The following HSD17B12 variants were observed in gnomAD, a reference collection of about 807,000 sequenced individuals.
The protein encoded by HSD17B12 is very-long-chain 3-oxoacyl-CoA reductase.
Under a neutral mutation model 39.3 loss-of-function variants are expected in HSD17B12, and 32 were observed. The observed-to-expected ratio is 0.81, with a 90% confidence interval of 0.61 to 1.09. The LOEUF (loss-of-function observed/expected upper bound fraction) is 1.09, where lower values mean the gene tolerates loss of function less well. Ranked by LOEUF, HSD17B12 falls within the 50% of genes least tolerant of loss-of-function variation. HSD17B12 has a pLI of 0.00. For missense variants in HSD17B12, 342 were observed against 382.9 expected, an observed-to-expected ratio of 0.89 and a Z score of 0.89; for synonymous variants, 150 against 146.7, an observed-to-expected ratio of 1.02 and a Z score of -0.16.
At chr11:43,653,396 T>C in the HSD17B12 span, among the ~76,000 whole-genome samples, 1 of 152,100 alleles carries the variant, frequency 6.6e-6, no homozygotes, top group Non-Finnish European at 1.5e-5. Flanking sequence ...CGCAAAAATT[T>C]CTTTTTTTCT....
the HSD17B12 span, among the ~76,000 whole-genome samples, chr11:43,667,780 C>A: frequency 6.6e-6 from 1 of 152,156 alleles, no homozygotes; most frequent in Non-Finnish European, 1.5e-5. Flanking sequence ...CCACTTAAGG[C>A]ATCATGTTGG....
intron 3 of HSD17B12, among the ~76,000 whole-genome samples, chr11:43,795,711 G>A (rs1677769421): frequency 6.6e-6 from 1 of 152,218 alleles, no homozygotes; most frequent in Non-Finnish European, 1.5e-5. Context: ...GGAAAAGAGA[G>A]GAGGGTGGGA....
At position 43,831,392 on chromosome 11, in the gene HSD17B12, G is replaced by C. The variant is rs1951309335; in HGVS notation, c.536+382G>C. On this transcript the variant is annotated intron_variant, in intron 7 of 10. Coordinates refer to ENST00000278353, the MANE Select transcript of HSD17B12 (RefSeq NM_016142.3). This position sits in a 1 kb window ranked among gnomAD's most constrained non-coding sequence, Gnocchi z 4.1. ...GCCAAAATCAGTGGAGTTGGATGAA[G>C]CAAGACCTCTTCCTCTGGTTTTTCA... 1 of 155,358 alleles carries C rather than the reference G, an allele frequency of 6.4e-6. No homozygotes were observed. The highest frequency in any genetic ancestry group is 6.5e-5 in the Admixed American group (1 of 15,380). 9.6% of individuals were successfully genotyped at this position (155,358 alleles called of 1,614,324 possible). A position where few individuals can be genotyped will look rare whatever the true frequency, so the allele number is the denominator to read the frequency against.
At chr11:43,691,819 C>T (rs904947043) in intron 1 of HSD17B12, among the ~76,000 whole-genome samples, 1 of 152,216 alleles carries the variant, frequency 6.6e-6, no homozygotes, top group East Asian at 1.9e-4. Context: ...TTTCCTGCTT[C>T]TTGCAGCCTC....
At chr11:43,623,963 A>T in the HSD17B12 span, among the ~76,000 whole-genome samples, 1 of 152,014 alleles carries the variant, frequency 6.6e-6, no homozygotes, top group African/African-American at 2.4e-5. Flanking sequence ...AATTTCAAAA[A>T]CGATAGTCCT....
At chr11:43,834,932 C>T (rs1951354612) in intron 7 of HSD17B12, among the ~76,000 whole-genome samples, 1 of 151,886 alleles carries the variant, frequency 6.6e-6, no homozygotes, top group African/African-American at 2.4e-5. Context: ...TAATTTGTAC[C>T]ACTGAGACAG....
At chr11:43,613,558 G>C in the HSD17B12 span, among the ~76,000 whole-genome samples, 1 of 151,932 alleles carries the variant, frequency 6.6e-6, no homozygotes, top group African/African-American at 2.4e-5. Context: ...CAATTGAAAA[G>C]TGATAACTTT....
At chr11:43,713,811 T>C (rs908982049) in intron 1 of HSD17B12, among the ~76,000 whole-genome samples, 16 of 152,242 alleles carry the variant, frequency 1.1e-4, no homozygotes, top group Admixed American at 5.2e-4. Flanking sequence ...TTTTTAATGA[T>C]TGCCATTCTA....
At chr11:43,594,421 A>C in the HSD17B12 span, among the ~76,000 whole-genome samples, 29 of 152,260 alleles carry the variant, frequency 1.9e-4, no homozygotes, top group East Asian at 3.3e-3. Flanking sequence ...TAGAAAAAAA[A>C]GTACCCTAAA....
At chr11:43,753,411 G>A (rs1950482694) in intron 2 of HSD17B12, among the ~76,000 whole-genome samples, 1 of 128,448 alleles carries the variant, frequency 7.8e-6, no homozygotes, top group Non-Finnish European at 1.6e-5. Context: ...TTGAGATGGA[G>A]TCTTGCTCTG....
At position 43,777,138 on chromosome 11, in the gene HSD17B12, T is replaced by C. The variant is rs200716573; in HGVS notation, c.284-21182T>C. Among the ~76,000 whole-genome samples the C allele has an allele frequency of 6.0e-4, 92 of 152,360 alleles. 1 individual carries two copies. The East Asian group carries it at 0.017, about 29-fold the overall frequency. On this transcript the variant is annotated intron_variant, in intron 3 of 10. Coordinates refer to ENST00000278353, the MANE Select transcript of HSD17B12 (RefSeq NM_016142.3). ...TTTAAAGTAGTTTTTTCCAATTCTG[T>C]GAAGAAAGTCATTGGTAGCTTGATG...
At chr11:43,787,818 T>C (rs2135024163) in intron 3 of HSD17B12, among the ~76,000 whole-genome samples, 1 of 152,128 alleles carries the variant, frequency 6.6e-6, no homozygotes, top group South Asian at 2.1e-4. Flanking sequence ...GTGAGTTTTC[T>C]GCCCCCAAAG....
chr11:43,585,125 T>C, the HSD17B12 span, among the ~76,000 whole-genome samples: 74 of 152,358 alleles, frequency 4.9e-4, 1 homozygote, highest in Non-Finnish European at 7.5e-4. Flanking sequence ...TTGTTATGTC[T>C]CCTTAACTGG....
At chr11:43,637,254 T>C in the HSD17B12 span, among the ~76,000 whole-genome samples, 2 of 137,232 alleles carry the variant, frequency 1.5e-5, no homozygotes, top group African/African-American at 2.6e-5. Context: ...GGAGTCTTCC[T>C]CTGTCACCCA....
intron 3 of HSD17B12, among the ~76,000 whole-genome samples, chr11:43,774,249 C>G (rs941730588): frequency 6.6e-6 from 1 of 151,374 alleles, no homozygotes; most frequent in Non-Finnish European, 1.5e-5. Context: ...GAGTCTCGCT[C>G]TGTCACCCAG....
intron 4 of HSD17B12, among the ~76,000 whole-genome samples, chr11:43,801,305 A>G (rs1202770254): frequency 6.6e-6 from 1 of 152,134 alleles, no homozygotes; most frequent in Non-Finnish European, 1.5e-5. Context: ...ACAGGGAGAA[A>G]TAATGGTAAC....
the HSD17B12 span, among the ~76,000 whole-genome samples, chr11:43,596,083 G>A: frequency 5.1e-4 from 77 of 152,230 alleles, no homozygotes; most frequent in Admixed American, 1.7e-3. Context: ...TAGGGGAAAG[G>A]TCTCACTATG....
At chr11:43,560,959 T>C in the HSD17B12 span, among the ~76,000 whole-genome samples, 2 of 152,194 alleles carry the variant, frequency 1.3e-5, no homozygotes, top group African/African-American at 2.4e-5. Context: ...TTTTGACCCA[T>C]TGGGACTTTC....
rs1280766577 is a variant in HSD17B12 at position 43,717,325 on chromosome 11, G to C, written c.161-33586G>C. Among the ~76,000 whole-genome samples the C allele has an allele frequency of 2.0e-5, 3 of 152,114 alleles. 1 individual carries two copies. Among genetic ancestry groups the C allele is most frequent in the African/African-American group, 7.2e-5 (3 of 41,416 alleles). On this transcript the variant is annotated intron_variant, in intron 1 of 10. Transcript: ENST00000278353. ...TGGTATATAAAGGAATGAATCCTAGGCTATTATGCTAAAAGTCACTGTGAA... is the reference window on the plus strand; with the variant it reads ...TGGTATATAAAGGAATGAATCCTAGCCTATTATGCTAAAAGTCACTGTGAA...
Sources: allele counts gnomAD v4.1 joint callset (sites outside exome capture counted in the v4.1 genomes callset), GRCh38; gene constraint gnomAD v4.1.1; non-coding constraint Gnocchi (gnomAD v3.1); transcripts MANE v1.5; gene names NCBI Gene and HGNC (gene_info 2026-07-23, HGNC 2026-07-21).